The following LRRC37A2 variants were observed in gnomAD, a reference collection of about 807,000 sequenced individuals.
LRRC37A2 encodes the protein leucine rich repeat containing 37 member A2.
LRRC37A2 carries 9 observed loss-of-function variants against 68.8 expected under a neutral mutation model. The observed-to-expected ratio is 0.13, with a 90% CI of 0.08 to 0.23. The LOEUF (loss-of-function observed/expected upper bound fraction) is 0.23. Among genes scored for constraint, LRRC37A2 ranks in the 10% least tolerant of loss-of-function variants. The pLI, the probability that LRRC37A2 is intolerant of heterozygous loss-of-function variation, is 1.00. For missense variants in LRRC37A2, 168 were observed against 950.4 expected, an observed-to-expected ratio of 0.18 and a Z score of 10.82; for synonymous variants, 63 against 367.6, an observed-to-expected ratio of 0.17 and a Z score of 9.48.
At chr17:46,722,144 G>A in the LRRC37A2 span, 14 of 1,611,814 alleles carry the variant, frequency 8.7e-6, no homozygotes, top group Non-Finnish European at 1.1e-5. Context: ...TGGGCTTCAC[G>A]ATCTTGGCGC....
At chr17:46,990,435 A>T in the LRRC37A2 span, among the ~76,000 whole-genome samples, 1 of 152,156 alleles carries the variant, frequency 6.6e-6, no homozygotes, top group Admixed American at 6.5e-5. Context: ...CACACTATTG[A>T]TGTTGTTGAA....
the LRRC37A2 span, among the ~76,000 whole-genome samples, chr17:46,820,017 G>T: frequency 6.6e-6 from 1 of 152,202 alleles, no homozygotes; most frequent in Non-Finnish European, 1.5e-5. Flanking sequence ...TGGCAGAAAG[G>T]GCAGAGAATG....
the LRRC37A2 span, among the ~76,000 whole-genome samples, chr17:46,779,983 T>G: frequency 6.6e-6 from 1 of 152,146 alleles, no homozygotes; most frequent in Non-Finnish European, 1.5e-5. Context: ...GGTCTGGAAC[T>G]CCTGACCAAG....
At chr17:46,872,378 A>G in the LRRC37A2 span, 4 of 1,314,696 alleles carry the variant, frequency 3.0e-6, no homozygotes, top group Non-Finnish European at 3.9e-6. Flanking sequence ...AATCTGTAAA[A>G]TGGGGACGGG....
At chr17:46,767,829 G>A in the LRRC37A2 span, among the ~76,000 whole-genome samples, 1 of 152,070 alleles carries the variant, frequency 6.6e-6, no homozygotes, top group African/African-American at 2.4e-5. Context: ...CTGTCGCCCA[G>A]GCTGGATGGA....
chr17:46,936,465 T>G, the LRRC37A2 span: 5 of 985,374 alleles, frequency 5.1e-6, no homozygotes, highest in South Asian at 2.4e-4. Flanking sequence ...GTTTCTAACT[T>G]TCCTCTGCAC....
chr17:46,859,865 C>T, the LRRC37A2 span, among the ~76,000 whole-genome samples: 23 of 152,266 alleles, frequency 1.5e-4, no homozygotes, highest in Admixed American at 1.4e-3. Context: ...TAATTTCTCT[C>T]AGCAGTGTTT....
chr17:46,490,842 A>G, the LRRC37A2 span, among the ~76,000 whole-genome samples: 2 of 150,646 alleles, frequency 1.3e-5, no homozygotes, highest in Non-Finnish European at 2.9e-5. Context: ...TTAGGTAACC[A>G]TCTTTGGGTG....
chr17:46,716,124 T>C, the LRRC37A2 span, among the ~76,000 whole-genome samples: 1 of 152,248 alleles, frequency 6.6e-6, no homozygotes, highest in African/African-American at 2.4e-5. Context: ...TGTTACCTAA[T>C]GATAGGTTGA....
At chr17:47,043,534 C>T in the LRRC37A2 span, among the ~76,000 whole-genome samples, 2 of 151,402 alleles carry the variant, frequency 1.3e-5, no homozygotes, top group African/African-American at 4.8e-5. Context: ...GCCCTCAAAG[C>T]GCTCATAGTC....
chr17:46,839,286 G>A, the LRRC37A2 span, among the ~76,000 whole-genome samples: 6 of 152,208 alleles, frequency 3.9e-5, no homozygotes, highest in Admixed American at 2.0e-4. Context: ...GTGGCCATGC[G>A]ACCCAGCATA....
At chr17:46,931,397 A>G in the LRRC37A2 span, 3 of 614,358 alleles carry the variant, frequency 4.9e-6, no homozygotes, top group African/African-American at 3.7e-5. Flanking sequence ...ATAGCCTGTG[A>G]GGTTTGTGAC....
At chr17:46,691,691 T>A in the LRRC37A2 span, among the ~76,000 whole-genome samples, 1 of 151,766 alleles carries the variant, frequency 6.6e-6, no homozygotes, top group Admixed American at 6.5e-5. Flanking sequence ...CTCATTTAAT[T>A]TTTATTATCC....
the LRRC37A2 span, among the ~76,000 whole-genome samples, chr17:46,682,058 TA>T: frequency 1.6e-5 from 1 of 64,346 alleles, no homozygotes; most frequent in Non-Finnish European, 2.3e-5. Flanking sequence ...AAAAAACTAT[TA>T]AAAATTAAAT....
At chr17:46,956,002 A>G in the LRRC37A2 span, among the ~76,000 whole-genome samples, 1 of 152,166 alleles carries the variant, frequency 6.6e-6, no homozygotes, top group South Asian at 2.1e-4. Flanking sequence ...GGGAATGGAA[A>G]ATCTTTCCAT....
the LRRC37A2 span, chr17:46,713,920 C>T: frequency 6.2e-7 from 1 of 1,612,586 alleles, no homozygotes; most frequent in Non-Finnish European, 8.5e-7. Context: ...TCCCGTTCAT[C>T]AAGATCTGTT....
At chr17:47,019,523 A>C in the LRRC37A2 span, 11 of 1,525,984 alleles carry the variant, frequency 7.2e-6, no homozygotes, top group South Asian at 9.0e-5. Flanking sequence ...CTCCTCATCC[A>C]GATCAGCTTC....
the LRRC37A2 span, among the ~76,000 whole-genome samples, chr17:46,821,761 C>T: frequency 1.3e-5 from 2 of 152,200 alleles, no homozygotes; most frequent in Non-Finnish European, 2.9e-5. Flanking sequence ...AGTCCCAACC[C>T]AACCCCTCTC....
chr17:46,862,916 A>G, the LRRC37A2 span, among the ~76,000 whole-genome samples: 16 of 152,310 alleles, frequency 1.1e-4, no homozygotes, highest in Non-Finnish European at 1.8e-4. Flanking sequence ...GACTCAGGCC[A>G]GTTGCTTGGC....
Sources: allele counts gnomAD v4.1 joint callset (sites outside exome capture counted in the v4.1 genomes callset), GRCh38; gene constraint gnomAD v4.1.1; transcripts MANE v1.5; gene names NCBI Gene and HGNC (gene_info 2026-07-23, HGNC 2026-07-21).